TRMT61B: variants seen among roughly 807,000 people sequenced by gnomAD.
TRMT61B encodes tRNA methyltransferase 61B.
Under a neutral mutation model 52.0 loss-of-function variants are expected in TRMT61B, and 56 were observed. The observed-to-expected ratio is 1.08, with a 90% CI of 0.87 to 1.35. TRMT61B has a LOEUF of 1.35. Ranked by LOEUF, TRMT61B falls within the 40% of genes most tolerant of loss-of-function variation. The pLI, the probability that TRMT61B is intolerant of heterozygous loss-of-function variation, is 0.00. For missense variants in TRMT61B, 650 were observed against 577.9 expected (o/e 1.12, Z -1.28); for synonymous variants, 206 against 220.0 (o/e 0.94, Z 0.56).
intron 3 of TRMT61B, among the ~76,000 whole-genome samples, chr2:28,858,199 C>A (rs1669430298): frequency 6.6e-6 from 1 of 151,858 alleles, no homozygotes; most frequent in Non-Finnish European, 1.5e-5. Flanking sequence ...CGCCACCAGG[C>A]CCGGCTAATT....
At chr2:28,862,123 G>A (rs1224979174) in intron 2 of TRMT61B, among the ~76,000 whole-genome samples, 6 of 149,198 alleles carry the variant, frequency 4.0e-5, no homozygotes, top group Admixed American at 6.8e-5. Context: ...GGAGAAAGGC[G>A]TGAACCTGGG....
intron 3 of TRMT61B, among the ~76,000 whole-genome samples, chr2:28,859,436 G>A (rs1669502873): frequency 6.6e-6 from 1 of 152,066 alleles, no homozygotes. Flanking sequence ...CAACCCTCAA[G>A]CAGTACTCTT....
intron 4 of TRMT61B, 135 bp downstream of exon 4, chr2:28,852,273 A>G (rs1669142817): frequency 1.9e-6 from 1 of 518,344 alleles, no homozygotes. Context: ...AGATCATACC[A>G]CTACACTCCA....
At chr2:28,867,462 C>T (rs1333353929) in intron 1 of TRMT61B, among the ~76,000 whole-genome samples, 1 of 152,114 alleles carries the variant, frequency 6.6e-6, no homozygotes, top group African/African-American at 2.4e-5. Context: ...TTTTAAACAT[C>T]AGTGAAGGTA....
chr2:28,852,332 AAAAAAT>A, intron 4 of TRMT61B, 70 bp downstream of exon 4: 2 of 667,642 alleles, frequency 3.0e-6, no homozygotes, highest in Non-Finnish European at 5.1e-6. Context: ...AAAAAAAAAA[AAAAAAT>A]TTAGTTTGAT....
chr2:28,864,562 TAA>T (rs1226534892), intron 2 of TRMT61B, among the ~76,000 whole-genome samples: 1 of 152,144 alleles, frequency 6.6e-6, no homozygotes, highest in Non-Finnish European at 1.5e-5. Context: ...TCAGTGATGA[TAA>T]AAGTCACAAT....
intron 1 of TRMT61B, among the ~76,000 whole-genome samples, chr2:28,865,783 C>T (rs371244261): frequency 2.7e-5 from 4 of 147,892 alleles, no homozygotes; most frequent in South Asian, 2.1e-4. Context: ...CGGGTTCAAG[C>T]GATTCTCCTG....
rs763247419 is a variant in TRMT61B at position 28,869,840 on chromosome 2, G to A, written c.438C>T (p.Ser146=). 6.2e-7 allele frequency: 1 copy of A among 1,614,148 alleles called. No individual in the cohort carries two copies. Residue 146 remains serine (S), a synonymous_variant, in exon 1 of 7, where the codon TCC becomes TCT. Transcript: ENST00000306108. The stretch of plus-strand genomic sequence containing the variant: ...CCCCAGCCTGAAAGGGTCTCTCTCT[G>A]GAAGTTGAACAAGAAGGGGAGACGT... ...ERHVSPSCST[S]RERPFQAGEL... is the part of the protein sequence containing the mutation.
Position 28,854,435 on chromosome 2 carries a change from G to A in TRMT61B, c.994-1936C>T, listed in dbSNP as rs116832266. On this transcript the variant is annotated intron_variant, in intron 3 of 6. Coordinates refer to ENST00000306108, the MANE Select transcript of TRMT61B (RefSeq NM_017910.4). ...AGCATGGGCAACACAGTGAGACCCCGCATTTATAAAAATAAAAAAAATGGC... is the reference window on the plus strand; with the variant it reads ...AGCATGGGCAACACAGTGAGACCCCACATTTATAAAAATAAAAAAAATGGC... 6.7e-3 allele frequency among the ~76,000 whole-genome samples: 1,022 copies of A among 151,836 alleles called. 11 individuals carry two copies. The highest frequency in any genetic ancestry group is 0.024 in the African/African-American group (983 of 41,432).
chr2:28,852,376 A>G (rs1186690928), intron 4 of TRMT61B, 32 bp downstream of exon 4: 7 of 1,329,704 alleles, frequency 5.3e-6, no homozygotes, highest in Non-Finnish European at 7.4e-6. Context: ...CTTAAAAGTT[A>G]CATTACAAAG....
At chr2:28,851,808 G>T (rs1159402539) in intron 4 of TRMT61B, among the ~76,000 whole-genome samples, 1 of 149,308 alleles carries the variant, frequency 6.7e-6, no homozygotes, top group African/African-American at 2.5e-5. Flanking sequence ...GAACCCAGGA[G>T]GCGGAGGTTG....
intron 3 of TRMT61B, among the ~76,000 whole-genome samples, chr2:28,859,345 T>G (rs1322146027): frequency 1.3e-5 from 2 of 152,182 alleles, no homozygotes; most frequent in Non-Finnish European, 2.9e-5. Flanking sequence ...CCTCCCAAAG[T>G]GCTGGGATTA....
rs371692806 is a variant in TRMT61B, at chr2:28,854,497, T to C, written c.994-1998A>G. 3.9e-5 allele frequency among the ~76,000 whole-genome samples: 6 copies of C among 152,034 alleles called. No homozygotes were observed. The East Asian group carries it at 5.8e-4, about 15-fold the overall frequency. On this transcript the variant is annotated intron_variant, in intron 3 of 6. Transcript: ENST00000306108. ...GCTCATGCCTGTAATCCCAGCACTT[T>C]GCGAGGCCGAGGTGAGCGGATCACC...
At chr2:28,865,208 G>A in intron 1 of TRMT61B, 89 bp from the exon 2 acceptor site, 4 of 705,188 alleles carry the variant, frequency 5.7e-6, no homozygotes, top group Middle Eastern at 2.5e-4. Context: ...GTGTGCAGAA[G>A]AAGGGAGTGA....
chr2:28,850,215 T>G lies in TRMT61B; in HGVS notation c.1418A>C (p.Lys473Thr), dbSNP rs2148114599. The change falls in exon 7 of 7, where the codon AAA (lysine) becomes ACA (threonine). Residue 473 changes from lysine (K) to threonine (T), a missense_variant. By Grantham distance (78) the Lys-to-Thr change is moderately conservative. Coordinates refer to ENST00000306108, the MANE Select transcript of TRMT61B (RefSeq NM_017910.4). ...TAFLVKLRKV[K>T]PQLN ...CTGGAGTACTCAGTTAAGTTGTGGTTTGACCTTCCTCAACTTGACAAGAAA... is the reference window on the plus strand; with the variant it reads ...CTGGAGTACTCAGTTAAGTTGTGGTGTGACCTTCCTCAACTTGACAAGAAA... 6.2e-7 allele frequency: 1 copy of G among 1,612,056 alleles called. No homozygotes were observed. Among genetic ancestry groups the G allele is most frequent in the East Asian group, 2.2e-5 (1 of 44,782 alleles).
intron 3 of TRMT61B, among the ~76,000 whole-genome samples, chr2:28,860,087 C>T (rs1486202982): frequency 6.6e-6 from 1 of 151,866 alleles, no homozygotes; most frequent in African/African-American, 2.4e-5. Context: ...GCCTGGCCAA[C>T]ATGGTGAAAC....
intron 3 of TRMT61B, among the ~76,000 whole-genome samples, chr2:28,853,553 T>C (rs374896978): frequency 4.3e-4 from 65 of 152,318 alleles, no homozygotes; most frequent in African/African-American, 1.5e-3. Flanking sequence ...ATTCACATTG[T>C]TGGCCAGAGG....
At position 28,852,510 on chromosome 2, in the gene TRMT61B, GA is replaced by G; in HGVS notation, c.994-12del. On this transcript the variant is annotated splice_polypyrimidine_tract_variant and intron_variant, in intron 3 of 6. Coordinates refer to ENST00000306108, the MANE Select transcript of TRMT61B (RefSeq NM_017910.4). ...CATATCCAAAGCTACCTGTGTGGGG[GA>G]AAAAGAGAACTGGATCAGTCTGATT... 3.2e-6 allele frequency: 5 copies of G among 1,555,246 alleles called. No homozygotes were observed. Among genetic ancestry groups the G allele is most frequent in the Non-Finnish European group, 4.4e-6 (5 of 1,136,162 alleles).
intron 1 of TRMT61B, among the ~76,000 whole-genome samples, chr2:28,867,242 T>A (rs1183339083): frequency 6.6e-6 from 1 of 152,116 alleles, no homozygotes; most frequent in African/African-American, 2.4e-5. Context: ...ACCACAAGTG[T>A]GTGCCAGCAT....
Sources: gnomAD v4.1 joint callset for allele counts (sites outside exome capture counted in the v4.1 genomes callset) on GRCh38, gnomAD v4.1.1 for gene constraint, MANE v1.5 for transcripts, NCBI Gene and HGNC (gene_info 2026-07-23, HGNC 2026-07-21) for gene names.